The following POLH variants were observed in gnomAD, a reference collection of about 807,000 sequenced individuals.
The protein encoded by POLH is DNA polymerase eta, also known as DNA polymerase eta transcript.
Under a neutral mutation model 73.6 loss-of-function variants are expected in POLH, and 53 were observed. The observed-to-expected ratio is 0.72, with a 90% CI of 0.58 to 0.91. The LOEUF is 0.91. POLH is among the 40% of genes least tolerant of loss of function. The pLI, the probability that POLH is intolerant of heterozygous loss-of-function variation, is 0.00. For missense variants in POLH, 768 were observed against 865.4 expected, an observed-to-expected ratio of 0.89 and a Z score of 1.41; for synonymous variants, 292 against 308.5, an observed-to-expected ratio of 0.95 and a Z score of 0.56.
chr6:43,610,751 A>G, intron 10 of POLH, 28 bp downstream of exon 10: 1 of 1,554,458 alleles, frequency 6.4e-7, no homozygotes. Flanking sequence ...TCATCTTCTC[A>G]GAATAGATGA....
At chr6:43,605,343 T>C (rs1451689474) in intron 9 of POLH, 24 bp downstream of exon 9, 4 of 1,368,352 alleles carry the variant, frequency 2.9e-6, no homozygotes, top group Non-Finnish European at 4.2e-6. Context: ...TCTTTATTCC[T>C]GGGGTGGGCT....
intron 3 of POLH, among the ~76,000 whole-genome samples, chr6:43,585,632 C>CT (rs927573344): frequency 9.0e-5 from 12 of 133,108 alleles, no homozygotes; most frequent in South Asian, 2.3e-4. Context: ...ATTGCTCTTT[C>CT]TTTTCTTTTT....
chr6:43,592,445 T>C (rs1765566970), intron 4 of POLH, among the ~76,000 whole-genome samples: 1 of 147,938 alleles, frequency 6.8e-6, no homozygotes, highest in Non-Finnish European at 1.5e-5. Flanking sequence ...TCTTTCTCGC[T>C]CTGTCGCCCA....
chr6:43,605,347 G>T lies in POLH; in HGVS notation c.1074+28G>T, dbSNP rs9333551. 1.8e-4 allele frequency: 236 copies of T among 1,317,652 alleles called. 1 individual carries two copies. In the African/African-American group the frequency reaches 2.8e-3, roughly 16 times the overall value. The allele number at this position is 1,317,652 out of a possible 1,614,324, so 81.6% of individuals were successfully genotyped here. A position where few individuals can be genotyped will look rare whatever the true frequency, so the allele number is the denominator to read the frequency against. ...AAGATTTTCTTTCTTTATTCCTGGG[G>T]TGGGCTTTGCAATTTACATATCAGC... is the stretch of plus-strand genomic sequence containing the variant. On this transcript the variant is annotated intron_variant, in intron 9 of 10. Transcript: ENST00000372236.
intron 7 of POLH, among the ~76,000 whole-genome samples, 199 bp from the exon 8 acceptor site, chr6:43,604,416 G>T (rs976222590): frequency 1.3e-5 from 2 of 152,156 alleles, no homozygotes; most frequent in African/African-American, 4.8e-5. Context: ...CAAAACCAGT[G>T]TTCTCATTGT....
chr6:43,599,599 A>C (rs950117840), intron 5 of POLH, among the ~76,000 whole-genome samples: 1 of 150,646 alleles, frequency 6.6e-6, no homozygotes, highest in Admixed American at 6.6e-5. Context: ...CTTCAATACA[A>C]GGAAAGTTGC....
chr6:43,589,431 G>A (rs1369355704), intron 4 of POLH, among the ~76,000 whole-genome samples: 2 of 152,122 alleles, frequency 1.3e-5, no homozygotes, highest in African/African-American at 4.8e-5. Flanking sequence ...TATAATGTTT[G>A]TTTGTTTTGC....
intron 1 of POLH, among the ~76,000 whole-genome samples, chr6:43,577,247 A>G (rs1763462827): frequency 6.6e-6 from 1 of 152,202 alleles, no homozygotes; most frequent in Non-Finnish European, 1.5e-5. Context: ...CAGCTTTATT[A>G]TCTGTTAAAG....
chr6:43,604,642 G>A lies in POLH; in HGVS notation c.912G>A (p.Gly304=), dbSNP rs896241211. The A allele has an allele frequency of 6.2e-7, 1 of 1,614,080 alleles. No homozygotes were observed. The highest frequency in any genetic ancestry group is 1.3e-5 in the African/African-American group (1 of 75,066). Residue 304 remains glycine, a synonymous_variant, in exon 8 of 11, where the codon GGG becomes GGA. Coordinates refer to ENST00000372236, the MANE Select transcript of POLH (RefSeq NM_006502.3). ...NGSWLYAMCR[G]IEHDPVKPRQ... is the part of the protein sequence containing the mutation. ...CTTGGCTATATGCCATGTGCCGAGG[G>A]ATTGAACATGATCCAGTTAAACCCA... is the stretch of plus-strand genomic sequence containing the variant.
chr6:43,610,529 T>C (rs1415682492), intron 9 of POLH, 25 bp from the exon 10 acceptor site: 7 of 1,607,972 alleles, frequency 4.4e-6, no homozygotes, highest in Non-Finnish European at 6.0e-6. Context: ...ACTTTATTTC[T>C]GGTCTCCATC....
At chr6:43,607,013 G>A (rs1165373728) in intron 9 of POLH, among the ~76,000 whole-genome samples, 1 of 152,196 alleles carries the variant, frequency 6.6e-6, no homozygotes, top group Non-Finnish European at 1.5e-5. Context: ...GGTCTTTTGT[G>A]ACTGGCTTGA....
In POLH at chr6:43,614,531, T is replaced by A; in HGVS notation, c.2116T>A (p.Ser706Thr). The change falls in exon 11 of 11, where the codon TCA (serine) becomes ACA (threonine). Residue 706 changes from serine (S) to threonine (T), a missense_variant. Coordinates refer to ENST00000372236, the MANE Select transcript of POLH (RefSeq NM_006502.3). ...GCCTGAGGGCATGCAAACATTGGAA[T>A]CATTTTTTAAGCCATTAACACATTA... is the stretch of plus-strand genomic sequence containing the variant. ...PRPEGMQTLE[S>T]FFKPLTH is the part of the protein sequence containing the mutation. 1 of 1,613,942 alleles carries A rather than the reference T, an allele frequency of 6.2e-7. No individual in the cohort carries two copies. The highest frequency in any genetic ancestry group is 8.5e-7 in the Non-Finnish European group (1 of 1,180,018).
At chr6:43,610,982 T>G (rs767448988) in intron 10 of POLH, among the ~76,000 whole-genome samples, 40 of 152,156 alleles carry the variant, frequency 2.6e-4, no homozygotes, top group Non-Finnish European at 5.1e-4. Context: ...ATCCCAGCAC[T>G]TTGGGAGGCC....
At position 43,616,576 on chromosome 6, in the gene POLH, G is replaced by C. The variant is rs1582330961; in HGVS notation, c.*2019G>C. 7.0e-6 allele frequency among the ~76,000 whole-genome samples: 1 copy of C among 143,352 alleles called. No individual in the cohort carries two copies. The highest frequency in any genetic ancestry group is 2.8e-5 in the African/African-American group (1 of 36,270). 94.0% of individuals were successfully genotyped at this position (143,352 alleles called of 152,430 possible). The stretch of plus-strand genomic sequence containing the variant: ...TGCACTCCAGCCAGGGTGAGAGTGA[G>C]AGACTGTCTCAAAAAAAAAAAAAAC... On this transcript the variant is annotated 3_prime_UTR_variant, in exon 11 of 11. Transcript: ENST00000372236.
intron 7 of POLH, among the ~76,000 whole-genome samples, 186 bp downstream of exon 7, chr6:43,604,197 T>C (rs930915403): frequency 3.3e-5 from 5 of 152,242 alleles, no homozygotes; most frequent in Admixed American, 3.3e-4. Context: ...AGTAGTTTTT[T>C]CCATGTACCT....
chr6:43,611,864 C>T (rs1246038445), intron 10 of POLH, among the ~76,000 whole-genome samples: 4 of 152,022 alleles, frequency 2.6e-5, no homozygotes, highest in South Asian at 2.1e-4. Flanking sequence ...AAGAGCACCC[C>T]AGCCAACATG....
chr6:43,609,661 A>G (rs1051347397), intron 9 of POLH, among the ~76,000 whole-genome samples: 1 of 152,230 alleles, frequency 6.6e-6, no homozygotes, highest in Non-Finnish European at 1.5e-5. Context: ...AGGTGTTGGT[A>G]GAAACTTCTG....
Position 43,598,201 on chromosome 6 carries a change from C to CA in POLH, c.660+353dup, listed in dbSNP as rs560020212. Among the ~76,000 whole-genome samples the CA allele has an allele frequency of 8.0e-3, 587 of 73,222 alleles. 5 individuals are homozygous for CA. The highest frequency in any genetic ancestry group is 0.012 in the African/African-American group (243 of 19,782). 48.0% of individuals were successfully genotyped at this position (73,222 alleles called of 152,430 possible). On this transcript the variant is annotated intron_variant, in intron 5 of 10. Transcript: ENST00000372236. ...GCTTGGGCGACAGTGAGACTGTCAC[C>CA]AAAAAAAAAAAAAAAAAGTTGTTAC...
chr6:43,604,865 T>C lies in POLH; in HGVS notation c.1008+127T>C. On this transcript the variant is annotated intron_variant, in intron 8 of 10. Coordinates refer to ENST00000372236, the MANE Select transcript of POLH (RefSeq NM_006502.3). ...AAGTATGAAGAAAACAGATGTTCTG[T>C]CCTTGGGTTGAAAATTGACTAGTTT... 3.1e-6 allele frequency: 3 copies of C among 982,264 alleles called. No homozygotes were observed. In the South Asian group the frequency reaches 4.0e-5, roughly 13 times the overall value. 60.8% of individuals were successfully genotyped at this position (982,264 alleles called of 1,614,324 possible).
Sources: allele counts gnomAD v4.1 joint callset (sites outside exome capture counted in the v4.1 genomes callset), GRCh38; gene constraint gnomAD v4.1.1; transcripts MANE v1.5; gene names NCBI Gene and HGNC (gene_info 2026-07-23, HGNC 2026-07-21).